PRSS23: variants seen among roughly 807,000 people sequenced by gnomAD.
PRSS23 encodes protease, serine 23.
A neutral mutation model predicts 34.7 loss-of-function variants in PRSS23; 25 were observed. The ratio of observed to expected loss-of-function variants is 0.72; its 90% CI spans 0.53 to 1.01. PRSS23 has a LOEUF of 1.01. PRSS23 is among the 50% of genes least tolerant of loss of function. PRSS23 has a pLI of 0.00. For missense variants in PRSS23, 445 were observed against 475.6 expected, an observed-to-expected ratio of 0.94 and a Z score of 0.60; for synonymous variants, 176 against 186.6, an observed-to-expected ratio of 0.94 and a Z score of 0.46.
chr11:86,815,100 G>A (rs1283084861), downstream of PRSS23, among the ~76,000 whole-genome samples: 3 of 152,178 alleles, frequency 2.0e-5, no homozygotes, highest in South Asian at 4.2e-4. Flanking sequence ...AATGAGGAGA[G>A]TCTCAGGAAA....
At chr11:86,887,204 T>C (rs1948808256) in intron 2 of PRSS23, among the ~76,000 whole-genome samples, 1 of 152,154 alleles carries the variant, frequency 6.6e-6, no homozygotes, top group Non-Finnish European at 1.5e-5. Context: ...TGGCTTCTTT[T>C]AAAAATTATT....
chr11:86,927,509 T>A (rs1045950062), intron 2 of PRSS23, among the ~76,000 whole-genome samples: 2 of 151,724 alleles, frequency 1.3e-5, no homozygotes, highest in Admixed American at 6.6e-5. Flanking sequence ...ATTTTTTAAA[T>A]TTTTTTTTAG....
intron 2 of PRSS23, chr11:86,833,225 G>A (rs527298998): frequency 1.3e-5 from 20 of 1,502,630 alleles, no homozygotes; most frequent in Non-Finnish European, 1.7e-5. Flanking sequence ...ATCATCTTGG[G>A]GACCGTGTTG....
At chr11:86,927,476 C>T (rs78798626) in intron 2 of PRSS23, among the ~76,000 whole-genome samples, 2,567 of 152,218 alleles carry the variant, frequency 0.017, 39 homozygotes, top group Middle Eastern at 0.034. Context: ...GATAAGAAAG[C>T]AGAGCTAAGA....
intron 2 of PRSS23, chr11:86,909,289 A>G (rs1948962877): frequency 6.6e-6 from 1 of 152,262 alleles, no homozygotes; most frequent in African/African-American, 2.4e-5. Flanking sequence ...TTCAGTAAAA[A>G]GAGGACAGGC....
intron 2 of PRSS23, among the ~76,000 whole-genome samples, chr11:86,912,532 C>T (rs1322151741): frequency 6.6e-6 from 1 of 152,084 alleles, no homozygotes. Flanking sequence ...GTTCACTAAC[C>T]CTTTCTTCTG....
intron 2 of PRSS23, chr11:86,950,359 G>T (rs1397015516): frequency 6.6e-6 from 1 of 152,620 alleles, no homozygotes; most frequent in Non-Finnish European, 1.5e-5. Context: ...CTTTAAGCAT[G>T]CTGCAGTACA....
At chr11:86,803,904 ATTTTCC>A (rs1219285571) in intron 1 of PRSS23, among the ~76,000 whole-genome samples, 2 of 152,034 alleles carry the variant, frequency 1.3e-5, no homozygotes, top group South Asian at 2.1e-4. Flanking sequence ...AGCATGATTC[ATTTTCC>A]TTTTCCTTTT....
At position 86,944,104 on chromosome 11, in the gene PRSS23, T is replaced by G. The variant is rs961708385; in HGVS notation, c.207-7112T>G. Among the ~76,000 whole-genome samples the G allele has an allele frequency of 2.8e-4, 42 of 152,206 alleles. 1 individual carries two copies. The highest frequency in any genetic ancestry group is 2.6e-3 in the Admixed American group (39 of 15,290). On this transcript the variant is annotated intron_variant, in intron 2 of 2. Coordinates refer to the PRSS23 transcript ENST00000533902. ...AGCAAAGATCAAGGTTGTGTTCTCCTGGAGGATCCAAGGAAGAATCTTCCC... is the reference window on the plus strand; with the variant it reads ...AGCAAAGATCAAGGTTGTGTTCTCCGGGAGGATCCAAGGAAGAATCTTCCC...
chr11:86,840,777 A>G (rs1436545147), intron 2 of PRSS23, among the ~76,000 whole-genome samples: 2 of 152,246 alleles, frequency 1.3e-5, no homozygotes, highest in Non-Finnish European at 2.9e-5. Flanking sequence ...ACCACAGTGC[A>G]ATCAAAGTAC....
rs1193112205 is a variant in PRSS23 at position 86,879,581 on chromosome 11, G to A, written c.206+55988G>A. Reference sequence around the variant, plus strand: ...AGCCCCCCGCCCGGCCAGCCGCCCCGTCAGGGAGGTGAGGGGCGCCTCTGC... The same window carrying A: ...AGCCCCCCGCCCGGCCAGCCGCCCCATCAGGGAGGTGAGGGGCGCCTCTGC... On this transcript the variant is annotated intron_variant, in intron 2 of 2. Coordinates refer to the PRSS23 transcript ENST00000533902. Among the ~76,000 whole-genome samples, 14 of 131,404 alleles carry A rather than the reference G, an allele frequency of 1.1e-4. No individual in the cohort carries two copies. In the South Asian group the frequency reaches 1.6e-3, roughly 15 times the overall value. 86.2% of individuals were successfully genotyped at this position (131,404 alleles called of 152,430 possible).
intron 2 of PRSS23, among the ~76,000 whole-genome samples, chr11:86,888,858 A>G (rs924255038): frequency 1.3e-5 from 2 of 152,232 alleles, no homozygotes; most frequent in African/African-American, 2.4e-5. Flanking sequence ...TTGCTTCAAA[A>G]GTTTTCTGGT....
intron 2 of PRSS23, among the ~76,000 whole-genome samples, chr11:86,914,054 A>AAAC (rs1948996650): frequency 6.6e-6 from 1 of 151,150 alleles, no homozygotes; most frequent in Non-Finnish European, 1.5e-5. Context: ...AAAAAAAAAA[A>AAAC]AAAAAAACCT....
intron 2 of PRSS23, among the ~76,000 whole-genome samples, chr11:86,840,727 A>G (rs1340461083): frequency 6.6e-6 from 1 of 152,250 alleles, no homozygotes; most frequent in Admixed American, 6.5e-5. Flanking sequence ...ACTCCTCAGC[A>G]AATGTAAAAG....
At chr11:86,792,302 C>T (rs112073833) in intron 1 of PRSS23, among the ~76,000 whole-genome samples, 2,433 of 152,300 alleles carry the variant, frequency 0.016, 65 homozygotes, top group African/African-American at 0.055. Flanking sequence ...ATGGACTACT[C>T]GGCAATTGGA....
At chr11:86,917,849 A>G (rs1949023949) in intron 2 of PRSS23, among the ~76,000 whole-genome samples, 1 of 152,344 alleles carries the variant, frequency 6.6e-6, no homozygotes, top group South Asian at 2.1e-4. Context: ...TTTACCAAAC[A>G]CCACATGCTG....
intron 2 of PRSS23, among the ~76,000 whole-genome samples, chr11:86,884,889 T>C (rs1256717010): frequency 1.3e-5 from 2 of 152,194 alleles, no homozygotes; most frequent in African/African-American, 4.8e-5. Flanking sequence ...AAAATTGACA[T>C]CTTTCATGTC....
intron 2 of PRSS23, among the ~76,000 whole-genome samples, chr11:86,917,432 G>T (rs544989465): frequency 6.6e-6 from 1 of 152,328 alleles, no homozygotes; most frequent in Admixed American, 6.5e-5. Context: ...GTAGACACAT[G>T]AATGGATCTA....
intron 2 of PRSS23, among the ~76,000 whole-genome samples, chr11:86,926,449 AC>A (rs1949082404): frequency 6.6e-6 from 1 of 152,200 alleles, no homozygotes; most frequent in African/African-American, 2.4e-5. Context: ...ATTTTTGGTT[AC>A]CAGTTGCAAG....
Sources: allele counts gnomAD v4.1 joint callset (sites outside exome capture counted in the v4.1 genomes callset), GRCh38; gene constraint gnomAD v4.1.1; transcripts MANE v1.5; gene names NCBI Gene and HGNC (gene_info 2026-07-23, HGNC 2026-07-21).